The following EMB variants were observed in gnomAD, a reference collection of about 807,000 sequenced individuals.
The protein encoded by EMB is embigin, also known as embigin homolog.
Under a neutral mutation model 41.4 loss-of-function variants are expected in EMB, and 31 were observed. The ratio of observed to expected loss-of-function variants is 0.75; its 90% CI spans 0.56 to 1.01. EMB has a LOEUF of 1.01. Among genes scored for constraint, EMB ranks in the 50% least tolerant of loss-of-function variants. The probability of loss-of-function intolerance (pLI) is 0.00; values close to 1 mark genes in which losing one functional copy is unlikely to be tolerated. For missense variants in EMB, 379 were observed against 388.3 expected (o/e 0.98, Z 0.20); for synonymous variants, 137 against 140.4 (o/e 0.98, Z 0.17).
chr5:50,422,609 A>T lies in EMB; in HGVS notation c.196+5535T>A, dbSNP rs893649430. Reference sequence around the variant, plus strand: ...TAGTTCCTTCTCACACACAAAACATAAAACTATATCATAAATGGGTTAAAA... The same window carrying T: ...TAGTTCCTTCTCACACACAAAACATTAAACTATATCATAAATGGGTTAAAA... On this transcript the variant is annotated intron_variant, in intron 2 of 8. Coordinates refer to ENST00000303221, the MANE Select transcript of EMB (RefSeq NM_198449.3). 2.6e-5 allele frequency among the ~76,000 whole-genome samples: 4 copies of T among 152,324 alleles called. No homozygotes were observed. In the East Asian group the frequency reaches 7.7e-4, roughly 29 times the overall value.
intron 1 of EMB, among the ~76,000 whole-genome samples, chr5:50,440,428 G>A (rs1745879880): frequency 1.3e-5 from 2 of 150,798 alleles, no homozygotes; most frequent in Admixed American, 6.6e-5. Context: ...AGCTACTCTG[G>A]AGGCTGACAG....
At chr5:50,431,469 G>A (rs1745719354) in intron 1 of EMB, among the ~76,000 whole-genome samples, 1 of 152,158 alleles carries the variant, frequency 6.6e-6, no homozygotes, top group Admixed American at 6.5e-5. Context: ...GGATTAGGCT[G>A]AGTCACAAAA....
At position 50,428,660 on chromosome 5, in the gene EMB, C is replaced by T. The variant is rs1745663520; in HGVS notation, c.113-433G>A. 5 of 985,460 alleles carry T rather than the reference C, an allele frequency of 5.1e-6. No homozygotes were observed. The South Asian group carries it at 1.4e-4, about 28-fold the overall frequency. The allele number at this position is 985,460 out of a possible 1,614,324, so 61.0% of individuals were successfully genotyped here. A position where few individuals can be genotyped will look rare whatever the true frequency, so the allele number is the denominator to read the frequency against. ...GAGAATTAAAAAAAAAAATAGATAG[C>T]ACTGGGCACCAGGGAACAGAGAAGA... On this transcript the variant is annotated intron_variant, in intron 1 of 8. Transcript: ENST00000303221.
intron 1 of EMB, among the ~76,000 whole-genome samples, chr5:50,439,319 T>A (rs1745856539): frequency 6.6e-6 from 1 of 151,494 alleles, no homozygotes; most frequent in Non-Finnish European, 1.5e-5. Context: ...TTTCTTTTTC[T>A]TTCTTTTTTT....
Position 50,404,063 on chromosome 5 carries a change from G to A in EMB, c.601-609C>T, listed in dbSNP as rs563458516. On this transcript the variant is annotated intron_variant, in intron 5 of 8. Transcript: ENST00000303221. ...AATTTCTTTCTCACTCAGATAAGCTGGCTTCTAAGATTTGCTGGGTTTTCC... is the reference window on the plus strand; with the variant it reads ...AATTTCTTTCTCACTCAGATAAGCTAGCTTCTAAGATTTGCTGGGTTTTCC... Among the ~76,000 whole-genome samples, 9 of 151,988 alleles carry A rather than the reference G, an allele frequency of 5.9e-5. 1 individual carries two copies. In the South Asian group the frequency reaches 8.3e-4, roughly 14 times the overall value.
At chr5:50,428,657 T>C in intron 1 of EMB, 11 of 985,144 alleles carry the variant, frequency 1.1e-5, no homozygotes, top group Non-Finnish European at 1.3e-5. Flanking sequence ...AAAAAATAGA[T>C]AGCACTGGGC....
intron 2 of EMB, among the ~76,000 whole-genome samples, chr5:50,426,614 G>C (rs28550429): frequency 6.6e-6 from 1 of 152,052 alleles, no homozygotes; most frequent in African/African-American, 2.4e-5. Flanking sequence ...TCCTAACAGA[G>C]AGATTAACTT....
intron 4 of EMB, among the ~76,000 whole-genome samples, chr5:50,407,076 C>T (rs73108319): frequency 2.6e-4 from 40 of 152,072 alleles, no homozygotes; most frequent in African/African-American, 8.9e-4. Context: ...TTGCATTAGA[C>T]ACTCAGTAAT....
intron 2 of EMB, among the ~76,000 whole-genome samples, chr5:50,423,792 T>C (rs1315637985): frequency 6.6e-6 from 1 of 152,214 alleles, no homozygotes; most frequent in Admixed American, 6.5e-5. Context: ...GGCCCACGTC[T>C]TTAAATAATA....
At chr5:50,428,904 T>C (rs1032073088) in intron 1 of EMB, among the ~76,000 whole-genome samples, 1 of 152,058 alleles carries the variant, frequency 6.6e-6, no homozygotes, top group Non-Finnish European at 1.5e-5. Context: ...TTATTTTTAT[T>C]TTTATTTTGA....
intron 2 of EMB, among the ~76,000 whole-genome samples, chr5:50,412,247 CACACACACAG>C (rs928730947): frequency 4.1e-5 from 5 of 123,078 alleles, no homozygotes; most frequent in African/African-American, 6.4e-5. Flanking sequence ...ACACCACACA[CACACACACAG>C]ACACACACAC....
intron 1 of EMB, among the ~76,000 whole-genome samples, chr5:50,429,136 C>T (rs1356119269): frequency 4.6e-5 from 7 of 152,136 alleles, no homozygotes; most frequent in South Asian, 2.1e-4. Flanking sequence ...CCTCGTGATC[C>T]GCCCGCCTCG....
chr5:50,407,364 G>T (rs1311434963), intron 4 of EMB, among the ~76,000 whole-genome samples: 2 of 151,860 alleles, frequency 1.3e-5, no homozygotes, highest in Non-Finnish European at 2.9e-5. Context: ...CGCTTTTCAA[G>T]AAAGTTGAGT....
In EMB at chr5:50,402,324, G is replaced by T. The variant is rs1745175819; in HGVS notation, c.878-5C>A. 6.2e-7 allele frequency: 1 copy of T among 1,608,978 alleles called. No individual in the cohort carries two copies. The highest frequency in any genetic ancestry group is 8.5e-7 in the Non-Finnish European group (1 of 1,176,422). On this transcript the variant is annotated splice_region_variant and splice_polypyrimidine_tract_variant and intron_variant, in intron 6 of 8. Coordinates refer to ENST00000303221, the MANE Select transcript of EMB (RefSeq NM_198449.3). ...GCTCAAATTCTTTCCCCTCATCTGTGTAACAAAAGAAGAATTTGACTGTGA... is the reference window on the plus strand; with the variant it reads ...GCTCAAATTCTTTCCCCTCATCTGTTTAACAAAAGAAGAATTTGACTGTGA...
At chr5:50,428,025 C>T in intron 2 of EMB, 119 bp downstream of exon 2, 1 of 656,372 alleles carries the variant, frequency 1.5e-6, no homozygotes, top group Non-Finnish European at 2.6e-6. Context: ...GGTATGTTTT[C>T]CCACCAGGCC....
intron 2 of EMB, among the ~76,000 whole-genome samples, chr5:50,418,162 T>A (rs1745459563): frequency 6.6e-6 from 1 of 152,218 alleles, no homozygotes; most frequent in Non-Finnish European, 1.5e-5. Context: ...TTCTACAACA[T>A]AGAGAACACT....
chr5:50,406,704 TTTTC>T (rs1745255178), intron 4 of EMB, among the ~76,000 whole-genome samples: 1 of 151,942 alleles, frequency 6.6e-6, no homozygotes, highest in African/African-American at 2.4e-5. Flanking sequence ...TTGTTAATTT[TTTTC>T]TTTTACTTTT....
At position 50,397,948 on chromosome 5, in the gene EMB, C is replaced by A. The variant is rs1466417806; in HGVS notation, c.*1325G>T. 1.3e-5 allele frequency: 2 copies of A among 151,938 alleles called. No homozygotes were observed. The highest frequency in any genetic ancestry group is 2.9e-5 in the Non-Finnish European group (2 of 67,980). 9.4% of individuals were successfully genotyped at this position (151,938 alleles called of 1,614,324 possible). A position where few individuals can be genotyped will look rare whatever the true frequency, so the allele number is the denominator to read the frequency against. On this transcript the variant is annotated 3_prime_UTR_variant, in exon 9 of 9. Transcript: ENST00000303221. Reference sequence around the variant, plus strand: ...AACATTAGTGATACAATTTTCACTACCAAAATTTTATTATATTTTTCTTAG... The same window carrying A: ...AACATTAGTGATACAATTTTCACTAACAAAATTTTATTATATTTTTCTTAG...
chr5:50,415,889 C>G (rs566903779), intron 2 of EMB, among the ~76,000 whole-genome samples: 9 of 152,200 alleles, frequency 5.9e-5, no homozygotes, highest in African/African-American at 2.2e-4. Flanking sequence ...AATATGAATG[C>G]GATGATAAAA....
Sources: allele counts gnomAD v4.1 joint callset (sites outside exome capture counted in the v4.1 genomes callset), GRCh38; gene constraint gnomAD v4.1.1; transcripts MANE v1.5; gene names NCBI Gene and HGNC (gene_info 2026-07-23, HGNC 2026-07-21).